Variants in TSHZ2 observed in about 807,000 individuals in gnomAD.
TSHZ2 encodes the protein teashirt zinc finger homeobox 2.
In TSHZ2, 21 loss-of-function variants were observed where a neutral mutation model predicts 74.4. The observed-to-expected ratio is 0.28, with a 90% CI of 0.20 to 0.41. The LOEUF (loss-of-function observed/expected upper bound fraction) is 0.41. Among genes scored for constraint, TSHZ2 ranks in the 10% least tolerant of loss-of-function variants. The probability of loss-of-function intolerance (pLI) is 1.00; values close to 1 mark genes in which losing one functional copy is unlikely to be tolerated. For synonymous variants in TSHZ2, 540 were observed against 515.3 expected (o/e 1.05, Z -0.65); for missense variants, 1,244 against 1,293.5 (o/e 0.96, Z 0.59).
At chr20:53,071,384 G>A (rs1985169431) in intron 1 of TSHZ2, among the ~76,000 whole-genome samples, 1 of 152,192 alleles carries the variant, frequency 6.6e-6, no homozygotes, top group Admixed American at 6.5e-5. Context: ...AACTCCGACT[G>A]CTAAATTAAA....
chr20:53,488,795 T>G lies in TSHZ2; in HGVS notation c.*1660T>G, dbSNP rs572448561. ...AAGGAGGCTGCCTGTTGGAATTGTT[T>G]TGGAAATTTTGACATGATCCCTAAA... On this transcript the variant is annotated 3_prime_UTR_variant, in exon 3 of 3. Transcript: ENST00000371497. 44 of 321,962 alleles carry G rather than the reference T, an allele frequency of 1.4e-4. No homozygotes were observed. The highest frequency in any genetic ancestry group is 1.1e-3 in the South Asian group (43 of 37,936). 19.9% of individuals were successfully genotyped at this position (321,962 alleles called of 1,614,324 possible).
At chr20:53,313,240 T>A (rs912570890) in intron 2 of TSHZ2, among the ~76,000 whole-genome samples, 4 of 152,356 alleles carry the variant, frequency 2.6e-5, no homozygotes, top group Admixed American at 1.3e-4. Context: ...TGTAAATGCA[T>A]TTTCCACATA....
intron 2 of TSHZ2, among the ~76,000 whole-genome samples, chr20:53,283,475 C>T (rs985327077): frequency 7.9e-5 from 12 of 152,206 alleles, no homozygotes; most frequent in African/African-American, 2.4e-4. Context: ...AGCGCCTTGA[C>T]CATCACCACA....
Position 53,255,290 on chromosome 20 carries a change from T to C in TSHZ2, c.1832T>C (p.Val611Ala). 3.1e-6 allele frequency: 5 copies of C among 1,614,022 alleles called. No homozygotes were observed. The highest frequency in any genetic ancestry group is 4.2e-6 in the Non-Finnish European group (5 of 1,179,980). Residue 611 changes from valine (V) to alanine (A), a missense_variant, in exon 2 of 3, where the codon GTG becomes GCG. Transcript: ENST00000371497. This position sits in a 1 kb window ranked among gnomAD's most constrained non-coding sequence, Gnocchi z 4.1. ...GAGTCAGAAGACAAAGATGAAGCGGTGAAGGAGTGTGGGAAAGAAAGTCCC... is the reference window on the plus strand; with the variant it reads ...GAGTCAGAAGACAAAGATGAAGCGGCGAAGGAGTGTGGGAAAGAAAGTCCC... ...KKESEDKDEA[V>A]KECGKESPHE...
chr20:53,445,881 G>A (rs189166051), intron 2 of TSHZ2, among the ~76,000 whole-genome samples: 18 of 152,282 alleles, frequency 1.2e-4, no homozygotes, highest in Admixed American at 7.8e-4. Context: ...CTTGGAACAC[G>A]TGCCTTGATC....
At position 53,253,625 on chromosome 20, in the gene TSHZ2, C is replaced by T. The variant is rs775420307; in HGVS notation, c.167C>T (p.Thr56Met). Residue 56 changes from threonine (T) to methionine (M), a missense_variant, in exon 2 of 3, where the codon ACG (threonine) becomes ATG (methionine). Transcript: ENST00000371497. ...NDTGTDEELE[T>M]GPEQKGCFSY... Reference sequence around the variant, plus strand: ...ACAGGGACGGACGAGGAGCTAGAAACGGGCCCAGAGCAAAAAGGCTGCTTC... The same window carrying T: ...ACAGGGACGGACGAGGAGCTAGAAATGGGCCCAGAGCAAAAAGGCTGCTTC... 5 of 1,614,010 alleles carry T rather than the reference C, an allele frequency of 3.1e-6. No homozygotes were observed. Among genetic ancestry groups the T allele is most frequent in the African/African-American group, 1.3e-5 (1 of 74,904 alleles).
At chr20:53,169,097 CT>C (rs767617760) in intron 1 of TSHZ2, among the ~76,000 whole-genome samples, 69 of 152,212 alleles carry the variant, frequency 4.5e-4, no homozygotes, top group Non-Finnish European at 2.2e-4. Flanking sequence ...GTTCAGGAAT[CT>C]GTAATTTTTA....
At chr20:53,253,058 T>C (rs1990364815) in intron 1 of TSHZ2, among the ~76,000 whole-genome samples, 1 of 152,072 alleles carries the variant, frequency 6.6e-6, no homozygotes, top group Admixed American at 6.5e-5. Flanking sequence ...TATCCAAGTG[T>C]CTTGGTAAAC....
rs374414784 is a variant in TSHZ2, at chr20:53,403,224, G to A, written c.*9-83920G>A. The stretch of plus-strand genomic sequence containing the variant: ...CAGTTCCATCCATGTTGCTGCAATG[G>A]ACAAGATTTCATTCCTTTTTATGGC... On this transcript the variant is annotated intron_variant, in intron 2 of 2. Transcript: ENST00000371497. 1.9e-3 allele frequency among the ~76,000 whole-genome samples: 282 copies of A among 152,262 alleles called. 5 individuals are homozygous for A. In the South Asian group the frequency reaches 0.033, roughly 18 times the overall value.
chr20:53,218,550 G>A (rs180851016), intron 1 of TSHZ2, among the ~76,000 whole-genome samples: 33 of 152,092 alleles, frequency 2.2e-4, no homozygotes, highest in Admixed American at 1.4e-3. Context: ...TTCTATATTC[G>A]CAGATGACGA....
intron 1 of TSHZ2, among the ~76,000 whole-genome samples, chr20:53,141,039 T>C (rs1987387702): frequency 6.6e-6 from 1 of 152,160 alleles, no homozygotes; most frequent in African/African-American, 2.4e-5. Flanking sequence ...GCATCTTAAA[T>C]GAGGTAGGCG....
chr20:53,100,727 T>C (rs1986192709), intron 1 of TSHZ2, among the ~76,000 whole-genome samples: 1 of 152,218 alleles, frequency 6.6e-6, no homozygotes, highest in Non-Finnish European at 1.5e-5. Context: ...TTGTCCCTTC[T>C]AAATTAAATC....
intron 2 of TSHZ2, among the ~76,000 whole-genome samples, chr20:53,463,636 G>C (rs1251686775): frequency 3.9e-5 from 6 of 152,184 alleles, no homozygotes; most frequent in Non-Finnish European, 1.5e-5. Flanking sequence ...AATCTTGGTA[G>C]TGCATTAGAA....
intron 1 of TSHZ2, among the ~76,000 whole-genome samples, chr20:53,047,969 G>GA: frequency 6.6e-6 from 1 of 152,314 alleles, no homozygotes; most frequent in African/African-American, 2.4e-5. Flanking sequence ...GTCAGAAGGG[G>GA]AGACGGGATG....
At chr20:53,274,361 C>T (rs1990899566) in intron 2 of TSHZ2, among the ~76,000 whole-genome samples, 1 of 152,234 alleles carries the variant, frequency 6.6e-6, no homozygotes, top group African/African-American at 2.4e-5. Flanking sequence ...GCTCGCCTTC[C>T]TATTTTTCAA....
chr20:53,374,533 T>C (rs971327055), intron 2 of TSHZ2, among the ~76,000 whole-genome samples: 2 of 152,238 alleles, frequency 1.3e-5, no homozygotes, highest in Non-Finnish European at 2.9e-5. Flanking sequence ...GGTTGAATAA[T>C]AATTTCATTA....
intron 1 of TSHZ2, among the ~76,000 whole-genome samples, chr20:53,034,398 A>G (rs1386871495): frequency 6.6e-6 from 1 of 152,178 alleles, no homozygotes; most frequent in Non-Finnish European, 1.5e-5. Context: ...TTGAAAATCT[A>G]CTCACTGGGC....
intron 1 of TSHZ2, among the ~76,000 whole-genome samples, chr20:53,165,837 G>T (rs1988050322): frequency 6.6e-6 from 1 of 152,120 alleles, no homozygotes; most frequent in Non-Finnish European, 1.5e-5. Context: ...GCCCATTTGG[G>T]TCCACATGCA....
intron 1 of TSHZ2, among the ~76,000 whole-genome samples, chr20:53,001,193 T>C (rs554518800): frequency 1.3e-5 from 2 of 150,608 alleles, no homozygotes; most frequent in Admixed American, 6.7e-5. Context: ...ATGTTGTGTG[T>C]GCGTTCATGT....
Sources: allele counts gnomAD v4.1 joint callset (sites outside exome capture counted in the v4.1 genomes callset), GRCh38; gene constraint gnomAD v4.1.1; non-coding constraint Gnocchi (gnomAD v3.1); transcripts MANE v1.5; gene names NCBI Gene and HGNC (gene_info 2026-07-23, HGNC 2026-07-21).